Variants in ERBIN observed in about 807,000 individuals in gnomAD.
The protein encoded by ERBIN is densin-180-like protein.
ERBIN carries 60 observed loss-of-function variants against 158.4 expected under a neutral mutation model. The ratio of observed to expected loss-of-function variants is 0.38; its 90% CI spans 0.31 to 0.47. The LOEUF is 0.47. ERBIN is among the 20% of genes least tolerant of loss of function. The probability of loss-of-function intolerance (pLI) is 0.99; values close to 1 mark genes in which losing one functional copy is unlikely to be tolerated. For synonymous variants in ERBIN, 594 were observed against 557.2 expected (o/e 1.07, Z -0.93); for missense variants, 1,610 against 1,648.0 (o/e 0.98, Z 0.40).
At chr5:65,958,899 T>G (rs1747603321) in intron 1 of ERBIN, among the ~76,000 whole-genome samples, 1 of 152,152 alleles carries the variant, frequency 6.6e-6, no homozygotes, top group Admixed American at 6.5e-5. Flanking sequence ...TAAAGTAGGC[T>G]AGAGTAAGCT....
chr5:66,023,071 C>G (rs1755866485), intron 8 of ERBIN: 1 of 399,678 alleles, frequency 2.5e-6, no homozygotes, highest in African/African-American at 2.1e-5. Flanking sequence ...TTTGATTTCT[C>G]CATTAATAAT....
intron 15 of ERBIN, among the ~76,000 whole-genome samples, chr5:66,042,625 A>T (rs1371119306): frequency 1.3e-5 from 2 of 152,102 alleles, no homozygotes; most frequent in Non-Finnish European, 2.9e-5. Context: ...AGAATATATA[A>T]GTGTTGGGTT....
At chr5:65,947,829 A>G (rs937244577) in intron 1 of ERBIN, among the ~76,000 whole-genome samples, 3 of 152,040 alleles carry the variant, frequency 2.0e-5, no homozygotes, top group Non-Finnish European at 2.9e-5. Context: ...CAACATGACA[A>G]AACCCCATCT....
intron 2 of ERBIN, among the ~76,000 whole-genome samples, chr5:65,991,058 G>A (rs1229018319): frequency 6.6e-6 from 1 of 152,102 alleles, no homozygotes; most frequent in Non-Finnish European, 1.5e-5. Flanking sequence ...GCCCAGCCTA[G>A]AATAATCACT....
In ERBIN at chr5:66,050,284, G is replaced by A. The variant is rs1226614889; in HGVS notation, c.1904-499G>A. ...TTTTGAGACGGAGTCTCGCTCTGTC[G>A]CCCAGGCTGGAGTGCAGTGGCGGGA... On this transcript the variant is annotated intron_variant, in intron 19 of 25. Transcript: ENST00000284037. Among the ~76,000 whole-genome samples, 4 of 3,332 alleles carry A rather than the reference G, an allele frequency of 1.2e-3. 1 individual carries two copies. Among genetic ancestry groups the A allele is most frequent in the East Asian group, 4.5e-3 (3 of 660 alleles). 2.2% of individuals were successfully genotyped at this position (3,332 alleles called of 152,430 possible).
chr5:66,056,002 ACT>A (rs1479577329), intron 21 of ERBIN, among the ~76,000 whole-genome samples: 1 of 152,110 alleles, frequency 6.6e-6, no homozygotes, highest in Non-Finnish European at 1.5e-5. Context: ...CTCTGTACAC[ACT>A]GTTGAGGCTA....
intron 1 of ERBIN, among the ~76,000 whole-genome samples, chr5:65,952,016 T>C (rs1029156749): frequency 4.2e-4 from 64 of 152,196 alleles, no homozygotes; most frequent in African/African-American, 1.4e-3. Context: ...GATTTTCTGC[T>C]TGTGTGATTT....
intron 21 of ERBIN, among the ~76,000 whole-genome samples, chr5:66,063,240 C>T (rs1424684412): frequency 7.9e-5 from 12 of 152,198 alleles, no homozygotes; most frequent in South Asian, 2.1e-4. Flanking sequence ...TGGGCAATGG[C>T]GGGTGCCCCT....
chr5:65,993,861 G>C (rs1396709574), intron 3 of ERBIN, among the ~76,000 whole-genome samples: 1 of 152,076 alleles, frequency 6.6e-6, no homozygotes, highest in Non-Finnish European at 1.5e-5. Flanking sequence ...AAAATTATTT[G>C]TTGTTTGTCT....
intron 1 of ERBIN, among the ~76,000 whole-genome samples, chr5:65,977,140 G>C (rs1580222865): frequency 6.7e-6 from 1 of 149,846 alleles, no homozygotes; most frequent in Admixed American, 6.6e-5. Context: ...CTGGCCGGGC[G>C]GGGGGCTGAC....
At chr5:65,997,927 T>TACACACACAC (rs60768327) in intron 4 of ERBIN, among the ~76,000 whole-genome samples, 5 of 150,210 alleles carry the variant, frequency 3.3e-5, no homozygotes, top group African/African-American at 1.2e-4. Context: ...GGTGTCTGTC[T>TACACACACAC]ACACACACAC....
At chr5:66,061,011 T>C (rs1174697263) in intron 21 of ERBIN, among the ~76,000 whole-genome samples, 1 of 152,172 alleles carries the variant, frequency 6.6e-6, no homozygotes, top group Non-Finnish European at 1.5e-5. Flanking sequence ...CTGAAAAGAA[T>C]GTATATTCTG....
At chr5:65,973,044 C>G (rs1314167016) in intron 1 of ERBIN, among the ~76,000 whole-genome samples, 1 of 151,158 alleles carries the variant, frequency 6.6e-6, no homozygotes, top group Non-Finnish European at 1.5e-5. Context: ...GAAATTAGGG[C>G]CTTGTCACAT....
At chr5:66,015,961 T>C (rs918935798) in intron 7 of ERBIN, among the ~76,000 whole-genome samples, 2 of 152,230 alleles carry the variant, frequency 1.3e-5, no homozygotes, top group Non-Finnish European at 2.9e-5. Context: ...TGCTGGATAA[T>C]GTTAATGTAT....
At chr5:65,965,382 G>GTTGTTTTT (rs1748463429) in intron 1 of ERBIN, among the ~76,000 whole-genome samples, 2 of 96,072 alleles carry the variant, frequency 2.1e-5, no homozygotes, top group Non-Finnish European at 4.1e-5. Flanking sequence ...GTTTTTTGTT[G>GTTGTTTTT]TTTTTTTTTT....
chr5:65,952,408 G>C (rs998184808), intron 1 of ERBIN, among the ~76,000 whole-genome samples: 2 of 151,966 alleles, frequency 1.3e-5, no homozygotes, highest in Admixed American at 6.6e-5. Context: ...AAGTTCAGTG[G>C]CTATTCATAG....
At chr5:65,938,554 G>A (rs1186062150) in intron 1 of ERBIN, among the ~76,000 whole-genome samples, 1 of 151,462 alleles carries the variant, frequency 6.6e-6, no homozygotes, top group African/African-American at 2.4e-5. Context: ...GGCTGATTCT[G>A]TTTTGTTTTT....
intron 14 of ERBIN, among the ~76,000 whole-genome samples, chr5:66,031,173 T>G (rs1226457461): frequency 6.6e-6 from 1 of 152,224 alleles, no homozygotes; most frequent in Non-Finnish European, 1.5e-5. Context: ...TACAGAGGTT[T>G]GGTTGTGAAT....
intron 1 of ERBIN, among the ~76,000 whole-genome samples, chr5:65,950,122 C>T (rs539975241): frequency 1.8e-4 from 28 of 152,294 alleles, no homozygotes; most frequent in African/African-American, 5.8e-4. Flanking sequence ...TCTCCTGCCT[C>T]GGCCTCTTGA....
Sources: allele counts gnomAD v4.1 joint callset (sites outside exome capture counted in the v4.1 genomes callset), GRCh38; gene constraint gnomAD v4.1.1; transcripts MANE v1.5; gene names NCBI Gene and HGNC (gene_info 2026-07-23, HGNC 2026-07-21).